ARFGEF1: variants seen among roughly 807,000 people sequenced by gnomAD.
ARFGEF1 encodes the protein brefeldin A-inhibited guanine nucleotide-exchange protein 1.
In ARFGEF1, 42 loss-of-function variants were observed where a neutral mutation model predicts 231.0. The ratio of observed to expected loss-of-function variants is 0.18; its 90% CI spans 0.14 to 0.24. ARFGEF1 has a LOEUF of 0.24. Ranked by LOEUF, ARFGEF1 falls within the 10% of genes least tolerant of loss-of-function variation. The pLI is 1.00. For missense variants in ARFGEF1, 1,345 were observed against 2,192.0 expected (o/e 0.61, Z 7.72); for synonymous variants, 710 against 732.3 (o/e 0.97, Z 0.49).
chr8:67,196,048 TATTA>T (rs60225155), downstream of ARFGEF1: 15,104 of 154,708 alleles, frequency 0.098, 1,663 homozygotes, highest in African/African-American at 0.27. Flanking sequence ...TCAAATGTCC[TATTA>T]ATTAATTATT....
At chr8:67,265,892 C>T (rs570838017) in intron 14 of ARFGEF1, 114 bp downstream of exon 14, 1 of 931,460 alleles carries the variant, frequency 1.1e-6, no homozygotes, top group Non-Finnish European at 1.6e-6. Context: ...GAATTAGATC[C>T]ATGAGAACTA....
At chr8:67,243,746 C>T (rs1391370778) in intron 19 of ARFGEF1, among the ~76,000 whole-genome samples, 1 of 152,104 alleles carries the variant, frequency 6.6e-6, no homozygotes, top group Non-Finnish European at 1.5e-5. Flanking sequence ...CAGGAAAACA[C>T]GACCTCACCA....
intron 20 of ARFGEF1, 136 bp downstream of exon 20, chr8:67,240,026 G>T: frequency 8.4e-7 from 1 of 1,192,830 alleles, no homozygotes. Flanking sequence ...TAAACATTAA[G>T]ATTCATTTAA....
intron 7 of ARFGEF1, among the ~76,000 whole-genome samples, chr8:67,287,047 G>C (rs1805789739): frequency 6.6e-6 from 1 of 152,208 alleles, no homozygotes; most frequent in African/African-American, 2.4e-5. Context: ...GTGCAGGAAA[G>C]AGGTAACATA....
chr8:67,337,697 T>C (rs781052406), intron 1 of ARFGEF1, among the ~76,000 whole-genome samples: 8 of 152,230 alleles, frequency 5.3e-5, no homozygotes, highest in Non-Finnish European at 7.3e-5. Flanking sequence ...CCCCCACTTA[T>C]GTCACTTCTT....
downstream of ARFGEF1, chr8:67,174,658 G>A (rs1586737391): frequency 6.6e-6 from 1 of 152,396 alleles, no homozygotes; most frequent in East Asian, 1.9e-4. Flanking sequence ...CCAGCTACTT[G>A]GGAGACTGAG....
Position 67,276,076 on chromosome 8 carries a change from C to T in ARFGEF1, c.1237G>A (p.Ala413Thr), listed in dbSNP as rs1439160507. 2 of 1,613,348 alleles carry T rather than the reference C, an allele frequency of 1.2e-6. No individual in the cohort carries two copies. Among genetic ancestry groups the T allele is most frequent in the South Asian group, 1.1e-5 (1 of 91,064 alleles). ...SGNSSGPSPGAKFSHILQKDA... is the reference protein window; with the variant it reads ...SGNSSGPSPGTKFSHILQKDA... ...TTTTGTAAAATGTGGGAAAACTTAG[C>T]ACCAGGTGAAGGTCCTGAAGAATTT... The change falls in exon 9 of 39, where the codon GCT (alanine) becomes ACT (threonine). Residue 413 changes from alanine to threonine, a missense_variant. Ala to Thr is a moderately conservative substitution (Grantham distance 58). Coordinates refer to ENST00000262215, the MANE Select transcript of ARFGEF1 (RefSeq NM_006421.5).
intron 20 of ARFGEF1, 49 bp from the exon 21 acceptor site, chr8:67,238,942 T>C: frequency 7.1e-7 from 1 of 1,417,764 alleles, no homozygotes; most frequent in Non-Finnish European, 9.6e-7. Context: ...TAGAGCAGAC[T>C]GATTAATTCC....
At chr8:67,273,283 T>G (rs1173182847) in intron 9 of ARFGEF1, among the ~76,000 whole-genome samples, 1 of 151,882 alleles carries the variant, frequency 6.6e-6, no homozygotes, top group Non-Finnish European at 1.5e-5. Flanking sequence ...TTTTAATTAT[T>G]TGATTTTGCA....
intron 7 of ARFGEF1, among the ~76,000 whole-genome samples, chr8:67,280,675 G>A (rs1805497251): frequency 6.6e-6 from 1 of 152,164 alleles, no homozygotes; most frequent in Admixed American, 6.5e-5. Context: ...GGGCTACACA[G>A]CCCAAGGGCC....
At chr8:67,302,580 C>G (rs903806765) in intron 1 of ARFGEF1, 114 bp from the exon 2 acceptor site, 5 of 655,182 alleles carry the variant, frequency 7.6e-6, no homozygotes, top group Non-Finnish European at 9.7e-6. Context: ...GGAAAGAATG[C>G]AAATTTAATA....
At chr8:67,326,129 T>TG (rs1194015762) in intron 1 of ARFGEF1, among the ~76,000 whole-genome samples, 1 of 152,130 alleles carries the variant, frequency 6.6e-6, no homozygotes, top group East Asian at 1.9e-4. Context: ...AACCTGGAGA[T>TG]GGAGGGTGCA....
chr8:67,287,292 T>C (rs1320400174), intron 7 of ARFGEF1, among the ~76,000 whole-genome samples: 3 of 152,200 alleles, frequency 2.0e-5, no homozygotes, highest in Non-Finnish European at 4.4e-5. Context: ...AGTAAAAACC[T>C]TGGGACCTGA....
At chr8:67,279,729 T>A (rs1195370782) in intron 7 of ARFGEF1, among the ~76,000 whole-genome samples, 3 of 152,194 alleles carry the variant, frequency 2.0e-5, no homozygotes, top group Admixed American at 2.0e-4. Flanking sequence ...TAATCACTCA[T>A]TATTTCAATT....
chr8:67,332,870 C>T (rs141033607), intron 1 of ARFGEF1, among the ~76,000 whole-genome samples: 51 of 152,252 alleles, frequency 3.3e-4, no homozygotes, highest in African/African-American at 1.1e-3. Context: ...TCATTTTCTT[C>T]ATTTGCAAAA....
At chr8:67,290,525 A>ATG (rs1729066359) in intron 6 of ARFGEF1, among the ~76,000 whole-genome samples, 3 of 152,212 alleles carry the variant, frequency 2.0e-5, no homozygotes, top group Admixed American at 2.0e-4. Flanking sequence ...ATTTATGCTC[A>ATG]CTTGACTTCC....
At chr8:67,265,934 C>T (rs539063886) in intron 14 of ARFGEF1, 72 bp downstream of exon 14, 4 of 1,438,308 alleles carry the variant, frequency 2.8e-6, no homozygotes, top group Non-Finnish European at 3.9e-6. Context: ...AGGTGATAAA[C>T]CCACGGCAGG....
chr8:67,198,915 C>CA lies in ARFGEF1; in HGVS notation c.*18dup, dbSNP rs762836423. 21 of 1,609,602 alleles carry CA rather than the reference C, an allele frequency of 1.3e-5. No homozygotes were observed. The highest frequency in any genetic ancestry group is 1.8e-5 in the Non-Finnish European group (21 of 1,178,794). ...AAGAGCAGAGGGATGTAAATGCCAACAAAAATATTAAGTTCCCATCATTGC... is the reference window on the plus strand; with the variant it reads ...AAGAGCAGAGGGATGTAAATGCCAACAAAAAATATTAAGTTCCCATCATTGC... On this transcript the variant is annotated 3_prime_UTR_variant, in exon 39 of 39. Transcript: ENST00000262215.
intron 1 of ARFGEF1, among the ~76,000 whole-genome samples, chr8:67,316,964 G>A (rs1203544470): frequency 6.6e-6 from 1 of 152,174 alleles, no homozygotes; most frequent in Admixed American, 6.5e-5. Context: ...CCACCTCCAA[G>A]GAGGGGAGGG....
Sources: gnomAD v4.1 joint callset for allele counts (sites outside exome capture counted in the v4.1 genomes callset) on GRCh38, gnomAD v4.1.1 for gene constraint, MANE v1.5 for transcripts, NCBI Gene and HGNC (gene_info 2026-07-23, HGNC 2026-07-21) for gene names.